GTF2A1L: variants seen among roughly 807,000 people sequenced by gnomAD.
GTF2A1L encodes general transcription factor IIA subunit 1 like.
In GTF2A1L, 48 loss-of-function variants were observed where a neutral mutation model predicts 49.7. The ratio of observed to expected loss-of-function variants is 0.97; its 90% CI spans 0.77 to 1.23. GTF2A1L has a LOEUF of 1.23. Ranked by LOEUF, GTF2A1L falls within the 50% of genes most tolerant of loss-of-function variation. GTF2A1L has a pLI of 0.00. For missense variants in GTF2A1L, 736 were observed against 564.8 expected, an observed-to-expected ratio of 1.30 and a Z score of -3.07; for synonymous variants, 246 against 193.5, an observed-to-expected ratio of 1.27 and a Z score of -2.25.
At chr2:48,671,776 C>T in intron 8 of GTF2A1L, 96 bp downstream of exon 8, 1 of 1,175,892 alleles carries the variant, frequency 8.5e-7, no homozygotes, top group Non-Finnish European at 1.2e-6. Flanking sequence ...AGTTACACTT[C>T]ACAATTAATC....
At chr2:48,644,914 G>T in intron 4 of GTF2A1L, 119 bp from the exon 5 acceptor site, 1 of 797,140 alleles carries the variant, frequency 1.3e-6, no homozygotes, top group Non-Finnish European at 1.9e-6. Flanking sequence ...AATATTAAAT[G>T]TTAAGTATTG....
intron 6 of GTF2A1L, among the ~76,000 whole-genome samples, chr2:48,650,478 G>A (rs1437759003): frequency 2.0e-5 from 3 of 152,108 alleles, no homozygotes; most frequent in African/African-American, 7.2e-5. Flanking sequence ...GAGAGGATAA[G>A]AGAATATATA....
intron 3 of GTF2A1L, among the ~76,000 whole-genome samples, chr2:48,638,446 C>T (rs528110037): frequency 2.8e-4 from 42 of 151,982 alleles, no homozygotes; most frequent in South Asian, 8.3e-4. Context: ...AAATGTGATT[C>T]ATCACATAAA....
intron 6 of GTF2A1L, among the ~76,000 whole-genome samples, chr2:48,656,865 T>C (rs1052448966): frequency 2.0e-5 from 3 of 152,202 alleles, no homozygotes; most frequent in African/African-American, 7.2e-5. Flanking sequence ...TTTGAGTTAA[T>C]TTTCGTAGAT....
intron 6 of GTF2A1L, among the ~76,000 whole-genome samples, chr2:48,656,061 T>G (rs1465214710): frequency 6.6e-6 from 1 of 152,332 alleles, no homozygotes; most frequent in Non-Finnish European, 1.5e-5. Flanking sequence ...ATATACTGCA[T>G]TTTGTTTATT....
chr2:48,626,561 A>C lies in GTF2A1L; in HGVS notation c.247+5271A>C, dbSNP rs760824930. ...CTTCAGTTTCTTATATCAATGTTTT[A>C]TAGTTTTCAGTGTACATATCTTTTT... On this transcript the variant is annotated intron_variant, in intron 3 of 8. Transcript: ENST00000403751. 2.5e-4 allele frequency among the ~76,000 whole-genome samples: 36 copies of C among 143,596 alleles called. 6 individuals carry two copies. Among genetic ancestry groups the C allele is most frequent in the Non-Finnish European group, 3.9e-4 (25 of 63,730 alleles). 94.2% of individuals were successfully genotyped at this position (143,596 alleles called of 152,430 possible).
chr2:48,639,080 G>A (rs193131707), intron 3 of GTF2A1L, among the ~76,000 whole-genome samples: 179 of 152,188 alleles, frequency 1.2e-3, no homozygotes, highest in Non-Finnish European at 1.8e-3. Context: ...AACATCCCAC[G>A]CTCATGGGTA....
At chr2:48,618,067 A>C (rs1286649730) in intron 1 of GTF2A1L, 172 bp downstream of exon 1, 1 of 648,644 alleles carries the variant, frequency 1.5e-6, no homozygotes, top group Non-Finnish European at 2.6e-6. Flanking sequence ...GAAGCTGCTG[A>C]GGGCCAGTAG....
rs774961192 is a variant in GTF2A1L, at chr2:48,646,885, T to C, written c.821T>C (p.Leu274Pro). Residue 274 changes from leucine (L) to proline (P), a missense_variant, in exon 6 of 9, where the codon CTG becomes CCG. Physicochemically the swap from Leu to Pro is moderately conservative, Grantham distance 98 (BLOSUM62 -3). Coordinates refer to ENST00000403751, the MANE Select transcript of GTF2A1L (RefSeq NM_006872.5). ...LSGSASMAQN[L>P]HDESLSTSPH... ...GGTTCAGCTAGCATGGCTCAAAATC[T>C]GCATGATGAGTCCCTCTCCACAAGC... 7 of 1,614,100 alleles carry C rather than the reference T, an allele frequency of 4.3e-6. No individual in the cohort carries two copies. In the African/African-American group the frequency reaches 8.0e-5, roughly 18 times the overall value.
intron 3 of GTF2A1L, among the ~76,000 whole-genome samples, chr2:48,628,415 A>G (rs1312548813): frequency 6.9e-6 from 1 of 144,088 alleles, no homozygotes; most frequent in Non-Finnish European, 1.6e-5. Context: ...AATAATAGCC[A>G]TTGTGACTGG....
chr2:48,653,913 T>C (rs1678010927), intron 6 of GTF2A1L, among the ~76,000 whole-genome samples: 1 of 96,086 alleles, frequency 1.0e-5, no homozygotes. Context: ...AGAGTGAGAC[T>C]GTGTCTCAAA....
chr2:48,641,303 G>T (rs1524157), intron 3 of GTF2A1L, among the ~76,000 whole-genome samples: 1 of 152,030 alleles, frequency 6.6e-6, no homozygotes, highest in Non-Finnish European at 1.5e-5. Context: ...ATGAACAGAG[G>T]ATAAAAATAA....
In GTF2A1L at chr2:48,640,299, C is replaced by T. The variant is rs528128652; in HGVS notation, c.248-2103C>T. ...AAGACAGGGAATCAACCTAAATGCT[C>T]ATCAGTGACTGACTGGATAAAGGAA... On this transcript the variant is annotated intron_variant, in intron 3 of 8. Transcript: ENST00000403751. Among the ~76,000 whole-genome samples the T allele has an allele frequency of 5.9e-5, 9 of 152,298 alleles. No homozygotes were observed. The East Asian group carries it at 1.5e-3, about 26-fold the overall frequency.
rs763623640 is a variant in GTF2A1L at position 48,679,422 on chromosome 2, A to C, written c.1417A>C (p.Ile473Leu). ...GGRDYVFAKA[I>L]GDAEW is the part of the protein sequence containing the mutation. Reference sequence around the variant, plus strand: ...GAGAGACTATGTATTTGCAAAAGCCATTGGTGATGCAGAGTGGTAAACCTT... The same window carrying C: ...GAGAGACTATGTATTTGCAAAAGCCCTTGGTGATGCAGAGTGGTAAACCTT... The change falls in exon 9 of 9, where the codon ATT becomes CTT. Residue 473 changes from isoleucine (I) to leucine (L), a missense_variant. Transcript: ENST00000403751. 6.2e-7 allele frequency: 1 copy of C among 1,612,552 alleles called. No individual in the cohort carries two copies. The highest frequency in any genetic ancestry group is 8.5e-7 in the Non-Finnish European group (1 of 1,178,984).
rs1677790847 is a variant in GTF2A1L at position 48,650,558 on chromosome 2, T to C, written c.978+3516T>C. Reference sequence around the variant, plus strand: ...TTCCTCTAAAATATAAAATGTCCTATCAATAATTGACTTTAGAATTCATTT... The same window carrying C: ...TTCCTCTAAAATATAAAATGTCCTACCAATAATTGACTTTAGAATTCATTT... On this transcript the variant is annotated intron_variant, in intron 6 of 8. Transcript: ENST00000403751. 2.6e-5 allele frequency among the ~76,000 whole-genome samples: 4 copies of C among 152,298 alleles called. No individual in the cohort carries two copies. In the South Asian group the frequency reaches 8.3e-4, roughly 32 times the overall value.
chr2:48,673,893 A>T (rs1422502004), intron 8 of GTF2A1L, among the ~76,000 whole-genome samples: 1 of 152,098 alleles, frequency 6.6e-6, no homozygotes, highest in Admixed American at 6.6e-5. Context: ...GACTTACTTT[A>T]AAGGAAGGTC....
rs142381844 is a variant in GTF2A1L, at chr2:48,646,723, C to G, written c.659C>G (p.Ser220Cys). 3.1e-6 allele frequency: 5 copies of G among 1,614,186 alleles called. No individual in the cohort carries two copies. Among genetic ancestry groups the G allele is most frequent in the East Asian group, 2.2e-5 (1 of 44,890 alleles). The change falls in exon 6 of 9, where the codon TCT becomes TGT. Residue 220 changes from serine to cysteine, a missense_variant. Transcript: ENST00000403751. ...LENATSDILV[S>C]PGNEHKIVPE... is the part of the protein sequence containing the mutation. ...AATGCCACCAGTGATATACTTGTAT[C>G]TCCTGGAAATGAGCATAAAATCGTG...
At chr2:48,643,713 T>TG (rs1358486130) in intron 4 of GTF2A1L, among the ~76,000 whole-genome samples, 1 of 148,826 alleles carries the variant, frequency 6.7e-6, no homozygotes, top group Admixed American at 6.7e-5. Context: ...TTTTTTTTTT[T>TG]TTTGAGACAG....
intron 3 of GTF2A1L, among the ~76,000 whole-genome samples, chr2:48,632,030 TA>T (rs1217621629): frequency 6.6e-6 from 1 of 152,196 alleles, no homozygotes; most frequent in African/African-American, 2.4e-5. Flanking sequence ...TTCCAACTGT[TA>T]TTAGTCTTTT....
Sources: allele counts gnomAD v4.1 joint callset (sites outside exome capture counted in the v4.1 genomes callset), GRCh38; gene constraint gnomAD v4.1.1; transcripts MANE v1.5; gene names NCBI Gene and HGNC (gene_info 2026-07-23, HGNC 2026-07-21).